VSTM1: variants seen among roughly 807,000 people sequenced by gnomAD.
The protein encoded by VSTM1 is V-set and transmembrane domain-containing protein 1.
VSTM1 carries 27 observed loss-of-function variants against 33.1 expected under a neutral mutation model. The ratio of observed to expected loss-of-function variants is 0.82; its 90% confidence interval spans 0.60 to 1.12. The LOEUF is 1.12. Ranked by LOEUF, VSTM1 falls within the 50% of genes most tolerant of loss-of-function variation. The pLI, the probability that VSTM1 is intolerant of heterozygous loss-of-function variation, is 0.00. For synonymous variants in VSTM1, 115 were observed against 110.3 expected (o/e 1.04, Z -0.27); for missense variants, 304 against 288.9 (o/e 1.05, Z -0.38).
chr19:54,058,193 T>A, intron 3 of VSTM1, 113 bp downstream of exon 3: 1 of 1,164,496 alleles, frequency 8.6e-7, no homozygotes, highest in South Asian at 1.6e-5. Flanking sequence ...TGAGCCGAGA[T>A]CGTGCCACTG....
chr19:54,056,315 G>C (rs2071099991), intron 3 of VSTM1, among the ~76,000 whole-genome samples: 1 of 128,352 alleles, frequency 7.8e-6, no homozygotes, highest in African/African-American at 3.0e-5. Context: ...TCTGCCTCTG[G>C]GGTTCAAGCA....
rs35069136 is a variant in VSTM1 at position 54,062,721 on chromosome 19, C to CAAA, written c.34+1020_34+1022dup. 1.1e-3 allele frequency among the ~76,000 whole-genome samples: 151 copies of CAAA among 135,358 alleles called. 2 individuals carry two copies. The highest frequency in any genetic ancestry group is 2.7e-3 in the East Asian group (12 of 4,520). The allele number at this position is 135,358 out of a possible 152,430, so 88.8% of individuals were successfully genotyped here. ...CCTGGGAGACAAAGCAAGACTCTGTCAAAAAAAAAAAAAAATGCTCATCTA... is the reference window on the plus strand; with the variant it reads ...CCTGGGAGACAAAGCAAGACTCTGTCAAAAAAAAAAAAAAAAAATGCTCATCTA... On this transcript the variant is annotated intron_variant, in intron 1 of 8. Coordinates refer to ENST00000338372, the MANE Select transcript of VSTM1 (RefSeq NM_198481.4).
At chr19:54,058,845 T>A (rs1568479468) in intron 1 of VSTM1, 113 bp from the exon 2 acceptor site, 1 of 398,288 alleles carries the variant, frequency 2.5e-6, no homozygotes, top group Non-Finnish European at 4.3e-6. Flanking sequence ...ATATATATAA[T>A]GTATATATGT....
intron 3 of VSTM1, among the ~76,000 whole-genome samples, chr19:54,055,069 C>T (rs1355443831): frequency 7.2e-6 from 1 of 139,710 alleles, no homozygotes; most frequent in African/African-American, 2.7e-5. Flanking sequence ...ATCCCTCTTC[C>T]TTGGGATCTC....
chr19:54,058,722 C>T lies in VSTM1; in HGVS notation c.45G>A (p.Leu15=). ...CATTCTTTTTCTCATCTTCGTAGCC[C>T]AGACACAGCCCTGGAAGAGAAATCT... is the stretch of plus-strand genomic sequence containing the variant. The part of the protein sequence containing the change: ...FLSLLCLGLC[L]GYEDEKKNEK... The change falls in exon 2 of 9, where the codon CTG becomes CTA. Residue 15 remains leucine, a synonymous_variant. Transcript: ENST00000338372. The T allele has an allele frequency of 6.2e-7, 1 of 1,613,742 alleles. No individual in the cohort carries two copies. The highest frequency in any genetic ancestry group is 8.5e-7 in the Non-Finnish European group (1 of 1,180,010).
intron 1 of VSTM1, 33 bp from the exon 2 acceptor site, chr19:54,058,765 T>C (rs1191876305): frequency 1.2e-6 from 2 of 1,611,638 alleles, no homozygotes; most frequent in Non-Finnish European, 1.7e-6. Flanking sequence ...AGAAAAATTA[T>C]GTGCTTGTCC....
chr19:54,044,030 C>T (rs1490096797), intron 4 of VSTM1, among the ~76,000 whole-genome samples: 1 of 152,084 alleles, frequency 6.6e-6, no homozygotes, highest in Non-Finnish European at 1.5e-5. Context: ...CCTCACTCGG[C>T]CTCCAGGGTA....
chr19:54,047,243 T>C (rs1269815737), intron 4 of VSTM1, among the ~76,000 whole-genome samples: 2 of 151,932 alleles, frequency 1.3e-5, no homozygotes, highest in African/African-American at 4.8e-5. Flanking sequence ...TTCACACTAA[T>C]GCTGTCTAAG....
chr19:54,046,289 T>C (rs1266371538), intron 4 of VSTM1, among the ~76,000 whole-genome samples: 1 of 152,208 alleles, frequency 6.6e-6, no homozygotes, highest in Non-Finnish European at 1.5e-5. Context: ...GTGGGGAGTT[T>C]GAAACAAGAC....
At chr19:54,043,910 AGATG>A (rs1426714096) in intron 4 of VSTM1, among the ~76,000 whole-genome samples, 5 of 150,046 alleles carry the variant, frequency 3.3e-5, no homozygotes, top group African/African-American at 4.9e-5. Context: ...GGGAGGTCAC[AGATG>A]GGAGCTCAGG....
At chr19:54,056,875 C>T (rs551653358) in intron 3 of VSTM1, among the ~76,000 whole-genome samples, 8 of 137,962 alleles carry the variant, frequency 5.8e-5, no homozygotes, top group East Asian at 2.0e-4. Context: ...TTTTTTTAGA[C>T]GGAGTCTTGC....
chr19:54,041,905 C>G lies in VSTM1; in HGVS notation c.553+11G>C. On this transcript the variant is annotated intron_variant, in intron 7 of 8. Coordinates refer to ENST00000338372, the MANE Select transcript of VSTM1 (RefSeq NM_198481.4). The stretch of plus-strand genomic sequence containing the variant: ...ATCCGGTGATTCCCTTAAACTTCCC[C>G]TGTCCCTTACCGGCAGCCTCCTGCT... 1.9e-6 allele frequency: 3 copies of G among 1,614,156 alleles called. No individual in the cohort carries two copies. In the South Asian group the frequency reaches 3.3e-5, roughly 18 times the overall value.
Position 54,041,813 on chromosome 19 carries a change from G to A in VSTM1, c.557C>T (p.Ala186Val). The A allele has an allele frequency of 6.2e-7, 1 of 1,613,568 alleles. No homozygotes were observed. Among genetic ancestry groups the A allele is most frequent in the Non-Finnish European group, 8.5e-7 (1 of 1,179,910 alleles). ...SKLPEQEAAE[A>V]DLSNMERVSL... ...TACCCTTTCCATATTGGATAAATCTGCCTCTGAGTGAGAAAGGAAAAAAAA... is the reference window on the plus strand; with the variant it reads ...TACCCTTTCCATATTGGATAAATCTACCTCTGAGTGAGAAAGGAAAAAAAA... The change falls in exon 8 of 9, where the codon GCA becomes GTA. Residue 186 changes from alanine to valine, a missense_variant. Transcript: ENST00000338372.
intron 1 of VSTM1, among the ~76,000 whole-genome samples, chr19:54,060,135 A>G (rs1306581270): frequency 5.9e-5 from 9 of 152,078 alleles, no homozygotes; most frequent in Non-Finnish European, 1.0e-4. Context: ...TACAGGCATC[A>G]GCCACCGCGC....
intron 4 of VSTM1, among the ~76,000 whole-genome samples, chr19:54,050,636 AC>A (rs1207079439): frequency 1.3e-5 from 2 of 151,700 alleles, no homozygotes; most frequent in Non-Finnish European, 2.9e-5. Flanking sequence ...CTCATCCTCC[AC>A]CCCCCAAAAC....
chr19:54,052,675 A>G (rs975560738), intron 3 of VSTM1, among the ~76,000 whole-genome samples: 3 of 142,436 alleles, frequency 2.1e-5, no homozygotes, highest in African/African-American at 7.8e-5. Context: ...TGTGATAATC[A>G]TTACACAATG....
intron 4 of VSTM1, among the ~76,000 whole-genome samples, chr19:54,045,973 C>T (rs1368580554): frequency 6.6e-6 from 1 of 152,048 alleles, no homozygotes; most frequent in African/African-American, 2.4e-5. Flanking sequence ...TATCTATCTA[C>T]CTACTTACCT....
Position 54,042,341 on chromosome 19 carries a change from G to T in VSTM1, c.423C>A (p.Phe141Leu). ...TDTRTIFVAI[F>L]SCISILLLFL... is the part of the protein sequence containing the mutation. ...AGAGGAGAAGGATGGAGATGCAGCT[G>T]AAGATGGCGACAAAGATGGTTCTGG... Residue 141 changes from phenylalanine (F) to leucine (L), a missense_variant, in exon 5 of 9, where the codon TTC becomes TTA. Coordinates refer to ENST00000338372, the MANE Select transcript of VSTM1 (RefSeq NM_198481.4). 6.2e-7 allele frequency: 1 copy of T among 1,613,848 alleles called. No homozygotes were observed. The highest frequency in any genetic ancestry group is 8.5e-7 in the Non-Finnish European group (1 of 1,179,894).
At chr19:54,052,405 A>T (rs1225823612) in intron 3 of VSTM1, among the ~76,000 whole-genome samples, 2 of 139,232 alleles carry the variant, frequency 1.4e-5, no homozygotes, top group African/African-American at 2.7e-5. Context: ...CTCAAAAAAA[A>T]AATAAAAATA....
Sources: gnomAD v4.1 joint callset for allele counts (sites outside exome capture counted in the v4.1 genomes callset) on GRCh38, gnomAD v4.1.1 for gene constraint, MANE v1.5 for transcripts, NCBI Gene and HGNC (gene_info 2026-07-23, HGNC 2026-07-21) for gene names.